The following ABCC8 variants were observed in gnomAD, a reference collection of about 807,000 sequenced individuals.
The protein encoded by ABCC8 is ATP binding cassette subfamily C member 8.
In ABCC8, 137 loss-of-function variants were observed where a neutral mutation model predicts 188.0. That is an observed-to-expected ratio of 0.73 (90% CI 0.63 to 0.84). The LOEUF (loss-of-function observed/expected upper bound fraction) is 0.84, where lower values mean the gene tolerates loss of function less well. ABCC8 is among the 40% of genes least tolerant of loss of function. The pLI, the probability that ABCC8 is intolerant of heterozygous loss-of-function variation, is 0.00. For synonymous variants in ABCC8, 797 were observed against 846.5 expected (o/e 0.94, Z 1.01); for missense variants, 1,750 against 2,072.7 (o/e 0.84, Z 3.02).
intron 8 of ABCC8, 67 bp downstream of exon 8, chr11:17,448,449 C>T: frequency 1.4e-6 from 2 of 1,421,150 alleles, no homozygotes; most frequent in Non-Finnish European, 2.0e-6. Context: ...AGTTACTGGC[C>T]ATGGACCAGC....
rs1338053010 is a variant in ABCC8, at chr11:17,476,620, C to T, written c.148+9G>A. On this transcript the variant is annotated intron_variant, in intron 1 of 38. Transcript: ENST00000389817. Reference sequence around the variant, plus strand: ...GTCCCCTCCTCCGCGGCTCGCTGCGCGCACTCACCAATGAAGAGGATGGGG... The same window carrying T: ...GTCCCCTCCTCCGCGGCTCGCTGCGTGCACTCACCAATGAAGAGGATGGGG... The T allele has an allele frequency of 2.5e-6, 4 of 1,610,404 alleles. No homozygotes were observed. Among genetic ancestry groups the T allele is most frequent in the East Asian group, 2.2e-5 (1 of 44,688 alleles).
chr11:17,439,637 C>T (rs1354791841), intron 10 of ABCC8, among the ~76,000 whole-genome samples: 3 of 152,104 alleles, frequency 2.0e-5, no homozygotes, highest in Admixed American at 6.5e-5. Context: ...AAAAAAAACA[C>T]ATCCTCGGAA....
chr11:17,435,668 T>G (rs796931132), intron 10 of ABCC8: 1 of 1,406,340 alleles, frequency 7.1e-7, no homozygotes, highest in Non-Finnish European at 1.0e-6. Flanking sequence ...GGAACCTCTG[T>G]TCTTCACATG....
chr11:17,450,334 C>CCTTTCCTTTCCT (rs1956748335), intron 7 of ABCC8, among the ~76,000 whole-genome samples: 1 of 120,458 alleles, frequency 8.3e-6, no homozygotes, highest in African/African-American at 3.0e-5. Context: ...TTCTCTCTCT[C>CCTTTCCTTTCCT]TCTTTCCTTT....
At position 17,448,354 on chromosome 11, in the gene ABCC8, A is replaced by G. The variant is rs1468540968; in HGVS notation, c.1332+162T>C. The G allele has an allele frequency of 4.3e-5, 30 of 694,800 alleles. No homozygotes were observed. The Admixed American group carries it at 6.2e-4, about 14-fold the overall frequency. The allele number at this position is 694,800 out of a possible 1,614,324, so 43.0% of individuals were successfully genotyped here. A position where few individuals can be genotyped will look rare whatever the true frequency, so the allele number is the denominator to read the frequency against. ...GGTCAGTGCTTGCAGAGTATGGGACAGGAGGGACCCAGAGGTACAGCCTGT... is the reference window on the plus strand; with the variant it reads ...GGTCAGTGCTTGCAGAGTATGGGACGGGAGGGACCCAGAGGTACAGCCTGT... On this transcript the variant is annotated intron_variant, in intron 8 of 38. Transcript: ENST00000389817.
intron 22 of ABCC8, among the ~76,000 whole-genome samples, chr11:17,409,100 A>G (rs976639562): frequency 2.0e-5 from 3 of 148,750 alleles, no homozygotes; most frequent in African/African-American, 7.5e-5. Flanking sequence ...CCACAGGTGC[A>G]CGCCACCATA....
chr11:17,456,912 G>C (rs376673213), intron 6 of ABCC8, among the ~76,000 whole-genome samples: 1 of 152,230 alleles, frequency 6.6e-6, no homozygotes, highest in Non-Finnish European at 1.5e-5. Context: ...GTCAGGCAGT[G>C]GGCTGAGTGC....
chr11:17,393,620 C>A (rs1953743958), intron 38 of ABCC8, 77 bp downstream of exon 38: 1 of 1,599,228 alleles, frequency 6.3e-7, no homozygotes, highest in Admixed American at 1.7e-5. Context: ...AGCCCAGGGG[C>A]TGTGCACTGA....
At chr11:17,474,757 A>G in intron 2 of ABCC8, 129 bp downstream of exon 2, 1 of 1,039,106 alleles carries the variant, frequency 9.6e-7, no homozygotes, top group Non-Finnish European at 1.5e-6. Flanking sequence ...CATAGAAGAC[A>G]CTGAGCTGCT....
At chr11:17,408,565 TG>T in intron 22 of ABCC8, 48 bp from the exon 23 acceptor site, 1 of 1,589,346 alleles carries the variant, frequency 6.3e-7, no homozygotes, top group Non-Finnish European at 8.5e-7. Flanking sequence ...TGGGGAGGAA[TG>T]GTGGTCACAT....
intron 17 of ABCC8, among the ~76,000 whole-genome samples, chr11:17,416,464 T>C (rs554132688): frequency 1.3e-5 from 2 of 152,238 alleles, no homozygotes; most frequent in African/African-American, 4.8e-5. Context: ...CTGTCTTTCC[T>C]GTCACTTAAA....
At position 17,395,925 on chromosome 11, in the gene ABCC8, C is replaced by T; in HGVS notation, c.4125G>A (p.Gly1375=). 1 of 1,580,106 alleles carries T rather than the reference C, an allele frequency of 6.3e-7. No individual in the cohort carries two copies. The highest frequency in any genetic ancestry group is 1.3e-5 in the African/African-American group (1 of 74,720). Residue 1375 remains glycine, a synonymous_variant, in exon 34 of 39, where the codon GGG becomes GGA. Transcript: ENST00000389817. ...TCCCACTGCCGGTGCGGCCGCAGAT[C>T]CCGATCTGGAAAGAGAGAAGCAGGC... The part of the protein sequence containing the change: ...NALIAPGQKI[G]ICGRTGSGKS...
intron 35 of ABCC8, 84 bp downstream of exon 35, chr11:17,395,526 C>T: frequency 1.3e-6 from 2 of 1,519,822 alleles, no homozygotes; most frequent in Non-Finnish European, 1.8e-6. Context: ...CTGGTCTCCC[C>T]CAACCCCCTC....
rs1388321223 is a variant in ABCC8, at chr11:17,394,314, G to A, written c.4497C>T (p.Thr1499=). 6.2e-7 allele frequency: 1 copy of A among 1,614,020 alleles called. No homozygotes were observed. Among genetic ancestry groups the A allele is most frequent in the Non-Finnish European group, 8.5e-7 (1 of 1,180,030 alleles). Residue 1499 remains threonine (T), a synonymous_variant, in exon 37 of 39, where the codon ACC becomes ACT. Coordinates refer to ENST00000389817, the MANE Select transcript of ABCC8 (RefSeq NM_000352.6). ...FCLARAFVRK[T]SIFIMDEATA... is the part of the protein sequence containing the mutation. ...TGGCCTCGTCCATGATGAAGATGCT[G>A]GTCTTCCTCACGAAGGCCCGGGCCA... is the stretch of plus-strand genomic sequence containing the variant.
chr11:17,461,309 C>A (rs1447479176), intron 5 of ABCC8: 2 of 522,008 alleles, frequency 3.8e-6, no homozygotes, highest in Non-Finnish European at 6.9e-6. Flanking sequence ...GGGTCACTTC[C>A]CTTCTCAGAG....
chr11:17,429,281 C>T (rs1469666594), intron 12 of ABCC8: 1 of 153,232 alleles, frequency 6.5e-6, no homozygotes, highest in East Asian at 1.9e-4. Flanking sequence ...TTTGTATTCC[C>T]CTTTCTTCTC....
chr11:17,418,915 T>A (rs1414922512), intron 16 of ABCC8, among the ~76,000 whole-genome samples: 1 of 152,198 alleles, frequency 6.6e-6, no homozygotes, highest in Non-Finnish European at 1.5e-5. Flanking sequence ...CGGGGCTGGC[T>A]CTCATTGCTG....
intron 4 of ABCC8, among the ~76,000 whole-genome samples, chr11:17,462,648 C>T (rs1435337920): frequency 6.6e-6 from 1 of 152,166 alleles, no homozygotes; most frequent in Non-Finnish European, 1.5e-5. Context: ...AAAGTAAATG[C>T]CCATCCATAG....
chr11:17,471,728 A>G (rs1314710227), intron 2 of ABCC8, among the ~76,000 whole-genome samples: 1 of 152,234 alleles, frequency 6.6e-6, no homozygotes, highest in Non-Finnish European at 1.5e-5. Flanking sequence ...CCTTGTGACC[A>G]TGGGGAAGAT....
Sources: allele counts gnomAD v4.1 joint callset (sites outside exome capture counted in the v4.1 genomes callset), GRCh38; gene constraint gnomAD v4.1.1; transcripts MANE v1.5; gene names NCBI Gene and HGNC (gene_info 2026-07-23, HGNC 2026-07-21).